CHD9: variants seen among roughly 807,000 people sequenced by gnomAD.
The protein encoded by CHD9 is ATP-dependent chromatin remodeler CHD9.
In CHD9, 77 loss-of-function variants were observed where a neutral mutation model predicts 316.1. The ratio of observed to expected loss-of-function variants is 0.24; its 90% CI spans 0.20 to 0.29. The LOEUF is 0.29. Ranked by LOEUF, CHD9 falls within the 10% of genes least tolerant of loss-of-function variation. CHD9 has a pLI of 1.00. For missense variants in CHD9, 2,763 were observed against 3,438.1 expected (o/e 0.80, Z 4.91); for synonymous variants, 1,129 against 1,158.3 (o/e 0.97, Z 0.51).
intron 38 of CHD9, among the ~76,000 whole-genome samples, chr16:53,322,435 C>T (rs922370870): frequency 1.3e-5 from 2 of 151,484 alleles, no homozygotes; most frequent in Admixed American, 6.6e-5. Context: ...AGAGAAACCC[C>T]GTCTCTACTA....
intron 1 of CHD9, among the ~76,000 whole-genome samples, chr16:53,059,808 G>A (rs12919486): frequency 0.22 from 33,611 of 152,202 alleles, 3,996 homozygotes; most frequent in South Asian, 0.35. Flanking sequence ...TAATGTCCTC[G>A]TTAGGTTCTT....
chr16:53,324,241 A>G lies in CHD9; in HGVS notation c.8040A>G (p.Gln2680=). Residue 2680 remains glutamine, a synonymous_variant, in exon 39 of 39, where the codon CAA becomes CAG. Coordinates refer to ENST00000447540, the MANE Select transcript of CHD9 (RefSeq NM_001308319.2). The stretch of plus-strand genomic sequence containing the variant: ...TTCAGGCCTTACAACAAAACCTACA[A>G]AACTTGCAGTCACTGCAAGTAACTG... The part of the protein sequence containing the change: ...TTLQALQQNL[Q]NLQSLQVTAG... 1.2e-6 allele frequency: 2 copies of G among 1,613,936 alleles called. No individual in the cohort carries two copies. The highest frequency in any genetic ancestry group is 1.3e-5 in the African/African-American group (1 of 75,012).
chr16:53,257,417 C>T (rs956375729), intron 19 of CHD9, among the ~76,000 whole-genome samples: 5 of 152,068 alleles, frequency 3.3e-5, no homozygotes, highest in African/African-American at 1.2e-4. Context: ...GCATGGAGAA[C>T]AAGTTGGAAA....
intron 1 of CHD9, among the ~76,000 whole-genome samples, chr16:53,113,456 G>A (rs2038027285): frequency 6.7e-6 from 1 of 148,594 alleles, no homozygotes; most frequent in African/African-American, 2.5e-5. Context: ...GGGACCACAG[G>A]TACATGCTAC....
Position 53,157,556 on chromosome 16 carries a change from G to A in CHD9, c.1452+15G>A. 2 of 1,587,772 alleles carry A rather than the reference G, an allele frequency of 1.3e-6. No homozygotes were observed. Among genetic ancestry groups the A allele is most frequent in the South Asian group, 1.1e-5 (1 of 88,418 alleles). ...TACAGCGACAGGTATGTAGCTCTTT[G>A]CTTTTATTTTGGAGATTTGGGGGTA... On this transcript the variant is annotated intron_variant, in intron 2 of 38. Coordinates refer to ENST00000447540, the MANE Select transcript of CHD9 (RefSeq NM_001308319.2).
intron 17 of CHD9, among the ~76,000 whole-genome samples, chr16:53,251,661 G>A (rs1487224640): frequency 6.6e-6 from 1 of 152,092 alleles, no homozygotes; most frequent in Non-Finnish European, 1.5e-5. Flanking sequence ...AATAATTTGG[G>A]AGAAAAACTA....
chr16:53,260,563 C>T (rs530139743), intron 19 of CHD9, among the ~76,000 whole-genome samples: 2 of 152,126 alleles, frequency 1.3e-5, no homozygotes, highest in African/African-American at 4.8e-5. Flanking sequence ...GTCATTGTAA[C>T]AAATTATTAC....
intron 10 of CHD9, among the ~76,000 whole-genome samples, chr16:53,232,449 C>G (rs147717265): frequency 2.7e-3 from 404 of 152,188 alleles, no homozygotes; most frequent in African/African-American, 9.2e-3. Context: ...GTAAAGGGGG[C>G]TCAGCCAATA....
At chr16:53,297,248 A>C in intron 30 of CHD9, 90 bp downstream of exon 30, 1 of 876,064 alleles carries the variant, frequency 1.1e-6, no homozygotes, top group Non-Finnish European at 1.8e-6. Context: ...TTTTATGTGA[A>C]ATTTCAATAC....
chr16:53,085,395 TG>T (rs1278528819), intron 1 of CHD9, among the ~76,000 whole-genome samples: 1 of 152,148 alleles, frequency 6.6e-6, no homozygotes, highest in Admixed American at 6.6e-5. Context: ...TTATGTTGCC[TG>T]CTGTGCCTAA....
chr16:53,161,841 T>A (rs1333406476), intron 2 of CHD9, among the ~76,000 whole-genome samples: 1 of 151,408 alleles, frequency 6.6e-6, no homozygotes, highest in Non-Finnish European at 1.5e-5. Flanking sequence ...AACCTCTGCC[T>A]CCTGGGCTTA....
chr16:53,238,672 G>C (rs573554100), intron 12 of CHD9, 86 bp downstream of exon 12: 1 of 1,367,716 alleles, frequency 7.3e-7, no homozygotes, highest in African/African-American at 1.4e-5. Flanking sequence ...TCAAATTTAG[G>C]ATACATTTTA....
At chr16:53,282,262 C>G (rs2053483937) in intron 24 of CHD9, among the ~76,000 whole-genome samples, 1 of 152,278 alleles carries the variant, frequency 6.6e-6, no homozygotes, top group Middle Eastern at 3.4e-3. Flanking sequence ...CCCAAAATAT[C>G]TTCAAACTAC....
At chr16:53,069,345 T>G (rs2033804903) in intron 1 of CHD9, among the ~76,000 whole-genome samples, 1 of 152,184 alleles carries the variant, frequency 6.6e-6, no homozygotes, top group East Asian at 1.9e-4. Context: ...GTTCACATTG[T>G]TGTACAACCA....
chr16:53,254,834 C>A (rs1449291277), intron 18 of CHD9, among the ~76,000 whole-genome samples: 4 of 152,122 alleles, frequency 2.6e-5, no homozygotes, highest in Non-Finnish European at 4.4e-5. Context: ...GATAGAAATT[C>A]TTTGCTCTCT....
intron 2 of CHD9, among the ~76,000 whole-genome samples, chr16:53,199,834 A>G (rs1022644732): frequency 5.3e-5 from 8 of 152,258 alleles, no homozygotes; most frequent in African/African-American, 1.9e-4. Flanking sequence ...TGCTTGAAAT[A>G]CGGTGGGGTT....
chr16:53,183,230 GTTTC>G (rs1266089317), intron 2 of CHD9, among the ~76,000 whole-genome samples: 1 of 152,102 alleles, frequency 6.6e-6, no homozygotes, highest in Non-Finnish European at 1.5e-5. Context: ...TGTCGTATTT[GTTTC>G]TTTCCTTTTT....
At chr16:53,057,680 A>G (rs1417106269) in intron 1 of CHD9, among the ~76,000 whole-genome samples, 1 of 152,068 alleles carries the variant, frequency 6.6e-6, no homozygotes, top group African/African-American at 2.4e-5. Context: ...AGAAAAAAGA[A>G]AAATAATGTC....
intron 16 of CHD9, 23 bp from the exon 17 acceptor site, chr16:53,249,848 A>G (rs982095537): frequency 1.8e-5 from 29 of 1,568,000 alleles, no homozygotes; most frequent in Middle Eastern, 1.7e-4. Context: ...ATTTATGTAA[A>G]TTTATTCCAT....
Sources: allele counts gnomAD v4.1 joint callset (sites outside exome capture counted in the v4.1 genomes callset), GRCh38; gene constraint gnomAD v4.1.1; transcripts MANE v1.5; gene names NCBI Gene and HGNC (gene_info 2026-07-23, HGNC 2026-07-21).